NBN: variants seen among roughly 807,000 people sequenced by gnomAD.
NBN encodes the protein nibrin, also known as Nijmegen breakage syndrome 1 (nibrin).
NBN carries 88 observed loss-of-function variants against 90.8 expected under a neutral mutation model. That is an observed-to-expected ratio of 0.97 (90% CI 0.82 to 1.16). The LOEUF (loss-of-function observed/expected upper bound fraction) is 1.16, where lower values mean the gene tolerates loss of function less well. Ranked by LOEUF, NBN falls within the 50% of genes most tolerant of loss-of-function variation. The pLI, the probability that NBN is intolerant of heterozygous loss-of-function variation, is 0.00. For missense variants in NBN, 894 were observed against 869.6 expected (o/e 1.03, Z -0.35); for synonymous variants, 328 against 295.1 (o/e 1.11, Z -1.14).
At chr8:89,951,147 C>T (rs1371824217) in intron 11 of NBN, among the ~76,000 whole-genome samples, 1 of 151,778 alleles carries the variant, frequency 6.6e-6, no homozygotes, top group Admixed American at 6.6e-5. Context: ...CCCATCTCTA[C>T]TATAAGTACA....
chr8:89,936,725 C>A (rs914878267), intron 15 of NBN, among the ~76,000 whole-genome samples: 1 of 152,184 alleles, frequency 6.6e-6, no homozygotes, highest in Non-Finnish European at 1.5e-5. Flanking sequence ...AATCGTAATT[C>A]TACTCAGAGC....
intron 7 of NBN, among the ~76,000 whole-genome samples, chr8:89,968,323 C>A (rs1219063577): frequency 6.6e-6 from 1 of 152,022 alleles, no homozygotes; most frequent in African/African-American, 2.4e-5. Flanking sequence ...GATCAAGGCA[C>A]CAGGGTCTGA....
At position 89,953,540 on chromosome 8, in the gene NBN, T is replaced by C. The variant is rs1040315184; in HGVS notation, c.1549A>G (p.Asn517Asp). Residue 517 changes from asparagine to aspartate, a missense_variant, in exon 11 of 16, where the codon AAC becomes GAC. Coordinates refer to ENST00000265433, the MANE Select transcript of NBN (RefSeq NM_002485.5). ...TCTGTAAATAAGTTATTGTCTGAGT[T>C]TGTGTCCACAGGCTCATTCTCAGAT... The part of the protein sequence containing the change: ...HLSENEPVDT[N>D]SDNNLFTDTD... 4 of 1,613,840 alleles carry C rather than the reference T, an allele frequency of 2.5e-6. No individual in the cohort carries two copies. The highest frequency in any genetic ancestry group is 3.3e-5 in the Admixed American group (2 of 60,008).
intron 10 of NBN, 77 bp from the exon 11 acceptor site, chr8:89,953,768 C>G: frequency 2.8e-6 from 3 of 1,073,408 alleles, no homozygotes; most frequent in Non-Finnish European, 4.1e-6. Context: ...TGGCAATATT[C>G]ATCACTCCCT....
Position 89,982,064 on chromosome 8 carries a change from C to T in NBN, c.172-541G>A. ...GAAATTCATATCGCATATATGCAAT[C>T]TTTGATTAAAATAATGGCTCATCTT... is the stretch of plus-strand genomic sequence containing the variant. On this transcript the variant is annotated intron_variant, in intron 2 of 15. Transcript: ENST00000265433. 1.9e-5 allele frequency: 12 copies of T among 619,616 alleles called. 1 individual carries two copies. In the South Asian group the frequency reaches 2.2e-4, roughly 11 times the overall value. The allele number at this position is 619,616 out of a possible 1,614,324, so 38.4% of individuals were successfully genotyped here.
chr8:89,966,899 C>A (rs1811279001), intron 7 of NBN, among the ~76,000 whole-genome samples: 1 of 152,040 alleles, frequency 6.6e-6, no homozygotes, highest in South Asian at 2.1e-4. Flanking sequence ...AAACAGAATT[C>A]CAGATAAGTT....
intron 7 of NBN, among the ~76,000 whole-genome samples, chr8:89,965,173 T>C (rs559290438): frequency 8.2e-4 from 124 of 150,862 alleles, no homozygotes; most frequent in African/African-American, 2.8e-3. Context: ...ACGGATACTA[T>C]GAGCCTAAGA....
rs188821789 is a variant in NBN, at chr8:89,941,004, G to T, written c.2184+2249C>A. On this transcript the variant is annotated intron_variant, in intron 14 of 15. Coordinates refer to ENST00000265433, the MANE Select transcript of NBN (RefSeq NM_002485.5). ...CACATACTTGGTGAGAAACATTATAGACACACCTGAAATGTAAAATTTTGA... is the reference window on the plus strand; with the variant it reads ...CACATACTTGGTGAGAAACATTATATACACACCTGAAATGTAAAATTTTGA... Among the ~76,000 whole-genome samples the T allele has an allele frequency of 3.0e-4, 45 of 152,182 alleles. No individual in the cohort carries two copies. In the East Asian group the frequency reaches 6.9e-3, roughly 23 times the overall value.
intron 7 of NBN, among the ~76,000 whole-genome samples, chr8:89,964,758 T>G (rs957744432): frequency 1.3e-5 from 2 of 152,172 alleles, no homozygotes; most frequent in African/African-American, 2.4e-5. Flanking sequence ...ATCTTCCCAG[T>G]TCTAAAATTC....
At chr8:89,970,628 G>A (rs1811471425) in intron 6 of NBN, 71 bp from the exon 7 acceptor site, 4 of 1,428,916 alleles carry the variant, frequency 2.8e-6, no homozygotes, top group Middle Eastern at 1.7e-4. Context: ...ATTTGATTTG[G>A]GAAACATAGA....
At chr8:89,974,667 TACAGGAGAGAGGAAC>T (rs1811671922) in intron 5 of NBN, among the ~76,000 whole-genome samples, 1 of 152,138 alleles carries the variant, frequency 6.6e-6, no homozygotes, top group Non-Finnish European at 1.5e-5. Flanking sequence ...TGGTGTGTGT[TACAGGAGAGAGGAAC>T]ACTGAACTTG....
chr8:89,938,466 A>ATG (rs1020316546), intron 14 of NBN, among the ~76,000 whole-genome samples: 8 of 151,486 alleles, frequency 5.3e-5, no homozygotes, highest in South Asian at 2.1e-4. Flanking sequence ...CTCTCTCTAT[A>ATG]TGTGTGTGTG....
chr8:89,942,090 A>T (rs1487072607), intron 14 of NBN, among the ~76,000 whole-genome samples: 1 of 152,174 alleles, frequency 6.6e-6, no homozygotes, highest in African/African-American at 2.4e-5. Context: ...TACGAAAGAA[A>T]ACCCAAGATG....
chr8:89,934,173 T>C lies in NBN; in HGVS notation c.*1409A>G, dbSNP rs1222108393. ...TTCCACCAGCTTCACTTGGTAATTA[T>C]GATACATGGCTATTAAGAGACTCAA... On this transcript the variant is annotated 3_prime_UTR_variant, in exon 16 of 16. Transcript: ENST00000265433. The C allele has an allele frequency of 4.3e-6, 1 of 231,286 alleles. No homozygotes were observed. Among genetic ancestry groups the C allele is most frequent in the Non-Finnish European group, 8.6e-6 (1 of 116,952 alleles). The allele number at this position is 231,286 out of a possible 1,614,324, so 14.3% of individuals were successfully genotyped here. A position where few individuals can be genotyped will look rare whatever the true frequency, so the allele number is the denominator to read the frequency against.
At chr8:89,972,694 C>G (rs1324933146) in intron 5 of NBN, among the ~76,000 whole-genome samples, 1 of 152,158 alleles carries the variant, frequency 6.6e-6, no homozygotes, top group Non-Finnish European at 1.5e-5. Flanking sequence ...TAAAAGCCAA[C>G]TAACACTTTA....
chr8:89,976,663 A>C (rs1265000530), intron 5 of NBN, among the ~76,000 whole-genome samples: 1 of 152,178 alleles, frequency 6.6e-6, no homozygotes, highest in African/African-American at 2.4e-5. Context: ...TGGGTGGCCC[A>C]GCCCCCTAGC....
rs1812250946 is a variant in NBN, at chr8:89,984,641, G to A, written c.-80C>T. 6 of 1,581,322 alleles carry A rather than the reference G, an allele frequency of 3.8e-6. No homozygotes were observed. Among genetic ancestry groups the A allele is most frequent in the Admixed American group, 1.8e-5 (1 of 56,390 alleles). ...AGACGAGCGCGGATACGGCGCCTGC[G>A]GTCGGCATGGGCTCCGGGACGTGCG... On this transcript the variant is annotated 5_prime_UTR_variant, in exon 1 of 16. Coordinates refer to ENST00000265433, the MANE Select transcript of NBN (RefSeq NM_002485.5).
chr8:89,957,387 C>G (rs1006761087), intron 9 of NBN, among the ~76,000 whole-genome samples: 2 of 152,166 alleles, frequency 1.3e-5, no homozygotes, highest in African/African-American at 4.8e-5. Context: ...AATATTTTTG[C>G]ACAGCTATAC....
At chr8:89,959,406 A>G (rs1357874144) in intron 8 of NBN, among the ~76,000 whole-genome samples, 4 of 152,134 alleles carry the variant, frequency 2.6e-5, no homozygotes, top group Non-Finnish European at 4.4e-5. Flanking sequence ...AATCTCCCAC[A>G]CTGAATTAAG....
Sources: allele counts gnomAD v4.1 joint callset (sites outside exome capture counted in the v4.1 genomes callset), GRCh38; gene constraint gnomAD v4.1.1; transcripts MANE v1.5; gene names NCBI Gene and HGNC (gene_info 2026-07-23, HGNC 2026-07-21).